GALNT18: variants seen among roughly 807,000 people sequenced by gnomAD.
The protein encoded by GALNT18 is polypeptide N-acetylgalactosaminyltransferase 18, also known as GalNAc-transferase 18.
GALNT18 carries 44 observed loss-of-function variants against 69.5 expected under a neutral mutation model. The ratio of observed to expected loss-of-function variants is 0.63; its 90% CI spans 0.50 to 0.81. The LOEUF is 0.81. Among genes scored for constraint, GALNT18 ranks in the 40% least tolerant of loss-of-function variants. GALNT18 has a pLI of 0.00. For missense variants in GALNT18, 715 were observed against 810.0 expected, an observed-to-expected ratio of 0.88 and a Z score of 1.42; for synonymous variants, 364 against 318.2, an observed-to-expected ratio of 1.14 and a Z score of -1.53.
Position 11,470,098 on chromosome 11 carries a change from C to T in GALNT18, c.236-21162G>A, listed in dbSNP as rs931293935. 4.6e-5 allele frequency among the ~76,000 whole-genome samples: 7 copies of T among 152,202 alleles called. No homozygotes were observed. Among genetic ancestry groups the T allele is most frequent in the Non-Finnish European group, 8.8e-5 (6 of 68,032 alleles). On this transcript the variant is annotated intron_variant, in intron 1 of 10. Transcript: ENST00000227756. The surrounding 1 kb of genome is among the most constrained non-coding windows in gnomAD (Gnocchi z 4.8). ...TTACTTTTGCCAATTGACAGGGACA[C>T]TTGGATGAGGATGGTTTTGAAGCTG...
chr11:11,437,743 A>G (rs1468645652), intron 2 of GALNT18, among the ~76,000 whole-genome samples: 1 of 116,196 alleles, frequency 8.6e-6, no homozygotes, highest in Non-Finnish European at 1.7e-5. Flanking sequence ...TGTTCATAGA[A>G]GCTGCTTGAC....
intron 8 of GALNT18, among the ~76,000 whole-genome samples, chr11:11,331,061 G>A (rs1292159799): frequency 6.6e-6 from 1 of 152,236 alleles, no homozygotes; most frequent in East Asian, 1.9e-4. Flanking sequence ...TGCTATGGGT[G>A]GAGTGTGGGG....
At chr11:11,327,246 T>C in intron 8 of GALNT18, 65 bp from the exon 9 acceptor site, 1 of 1,206,814 alleles carries the variant, frequency 8.3e-7, no homozygotes, top group Non-Finnish European at 1.2e-6. Flanking sequence ...ATGAATTAAC[T>C]CTGGAGAAAC....
Position 11,564,340 on chromosome 11 carries a change from C to T in GALNT18, c.235+57019G>A, listed in dbSNP as rs1232193195. On this transcript the variant is annotated intron_variant, in intron 1 of 10. Transcript: ENST00000227756. This position sits in a 1 kb window ranked among gnomAD's most constrained non-coding sequence, Gnocchi z 4.3. ...AGGCACATACATCCCTGGGAGTCTACATTCTGCTGGCAACTCCAGCTGAGA... is the reference window on the plus strand; with the variant it reads ...AGGCACATACATCCCTGGGAGTCTATATTCTGCTGGCAACTCCAGCTGAGA... 6.6e-6 allele frequency among the ~76,000 whole-genome samples: 1 copy of T among 152,182 alleles called. No homozygotes were observed. Among genetic ancestry groups the T allele is most frequent in the Non-Finnish European group, 1.5e-5 (1 of 68,040 alleles).
chr11:11,577,520 T>G (rs764212125), intron 1 of GALNT18, among the ~76,000 whole-genome samples: 106 of 152,072 alleles, frequency 7.0e-4, no homozygotes, highest in Admixed American at 1.5e-3. Flanking sequence ...CCAATTTCCG[T>G]TTTGTTAGAG....
chr11:11,521,216 G>A (rs527422854), intron 1 of GALNT18, among the ~76,000 whole-genome samples: 11 of 152,132 alleles, frequency 7.2e-5, no homozygotes, highest in East Asian at 5.8e-4. Context: ...CCTCACTAGC[G>A]AGCTAGAAGT....
At chr11:11,342,552 G>GC (rs1435582853) in intron 6 of GALNT18, among the ~76,000 whole-genome samples, 1 of 152,194 alleles carries the variant, frequency 6.6e-6, no homozygotes, top group Non-Finnish European at 1.5e-5. Flanking sequence ...GGCCCCTATA[G>GC]GCTCTAGGCT....
chr11:11,373,558 T>C (rs1478360252), intron 5 of GALNT18, among the ~76,000 whole-genome samples: 1 of 152,200 alleles, frequency 6.6e-6, no homozygotes, highest in Non-Finnish European at 1.5e-5. Context: ...CACGAGGAGA[T>C]AGCCAACAGG....
intron 6 of GALNT18, among the ~76,000 whole-genome samples, chr11:11,342,187 A>G (rs989593954): frequency 1.4e-4 from 21 of 152,136 alleles, no homozygotes; most frequent in African/African-American, 5.1e-4. Context: ...AAGTACGTAG[A>G]AGTACTTTAT....
intron 9 of GALNT18, among the ~76,000 whole-genome samples, chr11:11,294,074 G>T (rs1457112139): frequency 6.6e-6 from 1 of 152,182 alleles, no homozygotes; most frequent in Non-Finnish European, 1.5e-5. Flanking sequence ...GGACTCATAG[G>T]ACTCAGCACA....
rs545991264 is a variant in GALNT18 at position 11,420,619 on chromosome 11, C to A, written c.595+12002G>T. On this transcript the variant is annotated intron_variant, in intron 3 of 10. Transcript: ENST00000227756. Reference sequence around the variant, plus strand: ...AAAGCAGAAGGAGGACCCTGGCATACAAGGAGTGCCCTGTGTTCAGCTGTA... The same window carrying A: ...AAAGCAGAAGGAGGACCCTGGCATAAAAGGAGTGCCCTGTGTTCAGCTGTA... 7.9e-5 allele frequency among the ~76,000 whole-genome samples: 12 copies of A among 152,240 alleles called. No homozygotes were observed. The East Asian group carries it at 1.3e-3, about 17-fold the overall frequency.
chr11:11,446,520 C>T (rs999285177), intron 2 of GALNT18, among the ~76,000 whole-genome samples: 5 of 152,150 alleles, frequency 3.3e-5, no homozygotes, highest in East Asian at 1.9e-4. Flanking sequence ...CCCCACCAGA[C>T]CAGCTCCTCT....
chr11:11,358,177 T>C lies in GALNT18; in HGVS notation c.1092+14338A>G, dbSNP rs1165579717. ...ATTGTCTTACCTCAAAGTTTTTTCT[T>C]TCTTTTTACCTTAGTTTTATAGTTT... is the stretch of plus-strand genomic sequence containing the variant. On this transcript the variant is annotated intron_variant, in intron 6 of 10. Coordinates refer to ENST00000227756, the MANE Select transcript of GALNT18 (RefSeq NM_198516.3). 1.8e-5 allele frequency among the ~76,000 whole-genome samples: 2 copies of C among 108,404 alleles called. 1 individual carries two copies. The highest frequency in any genetic ancestry group is 4.3e-5 in the Non-Finnish European group (2 of 46,734). 71.1% of individuals were successfully genotyped at this position (108,404 alleles called of 152,430 possible).
chr11:11,560,110 A>G (rs1223525038), intron 1 of GALNT18, among the ~76,000 whole-genome samples: 523 of 149,428 alleles, frequency 3.5e-3, no homozygotes, highest in Middle Eastern at 0.011. Context: ...GGAATAGAAT[A>G]AGATACAATG....
chr11:11,353,377 G>A, intron 6 of GALNT18: 1 of 589,566 alleles, frequency 1.7e-6, no homozygotes, highest in Non-Finnish European at 3.0e-6. Flanking sequence ...AGCTAACTGG[G>A]CTCATCTATT....
rs957275508 is a variant in GALNT18 at position 11,351,839 on chromosome 11, C to T, written c.1093-10835G>A. On this transcript the variant is annotated intron_variant, in intron 6 of 10. Transcript: ENST00000227756. The stretch of plus-strand genomic sequence containing the variant: ...AAATCCACAAGCAACGGTTCAGACA[C>T]GTTGCTTCTGAAGTGTTTCACCCCT... 74 of 873,900 alleles carry T rather than the reference C, an allele frequency of 8.5e-5. 1 individual carries two copies. Among genetic ancestry groups the T allele is most frequent in the Non-Finnish European group, 1.1e-4 (64 of 566,712 alleles). The allele number at this position is 873,900 out of a possible 1,614,324, so 54.1% of individuals were successfully genotyped here.
chr11:11,331,420 TATATG>T (rs972513510), intron 8 of GALNT18, among the ~76,000 whole-genome samples: 6 of 152,126 alleles, frequency 3.9e-5, no homozygotes, highest in Non-Finnish European at 7.4e-5. Context: ...TCCTAGGATG[TATATG>T]ATATAAGAGT....
At chr11:11,418,590 G>A (rs908355228) in intron 3 of GALNT18, among the ~76,000 whole-genome samples, 1 of 152,168 alleles carries the variant, frequency 6.6e-6, no homozygotes, top group Non-Finnish European at 1.5e-5. Context: ...CTTCACCTGT[G>A]GCTCATGGCA....
chr11:11,448,781 G>T lies in GALNT18; in HGVS notation c.391C>A (p.Pro131Thr), dbSNP rs1406876473. 1.2e-6 allele frequency: 2 copies of T among 1,612,908 alleles called. No homozygotes were observed. Among genetic ancestry groups the T allele is most frequent in the South Asian group, 2.2e-5 (2 of 91,038 alleles). Reference sequence around the variant, plus strand: ...AGGTCAGGCAGGGGCCGGTCCAGGGGCAGGCGGTCGCTGAGGTAGGCGTTG... The same window carrying T: ...AGGTCAGGCAGGGGCCGGTCCAGGGTCAGGCGGTCGCTGAGGTAGGCGTTG... ...GYNAYLSDRLPLDRPLPDLRP... is the reference protein window; with the variant it reads ...GYNAYLSDRLTLDRPLPDLRP... Residue 131 changes from proline (P) to threonine (T), a missense_variant, in exon 2 of 11, where the codon CCC (proline) becomes ACC (threonine). Coordinates refer to ENST00000227756, the MANE Select transcript of GALNT18 (RefSeq NM_198516.3).
Sources: allele counts gnomAD v4.1 joint callset (sites outside exome capture counted in the v4.1 genomes callset), GRCh38; gene constraint gnomAD v4.1.1; non-coding constraint Gnocchi (gnomAD v3.1); transcripts MANE v1.5; gene names NCBI Gene and HGNC (gene_info 2026-07-23, HGNC 2026-07-21).